The following ELOVL6 variants were observed in gnomAD, a reference collection of about 807,000 sequenced individuals.
The protein encoded by ELOVL6 is ELOVL fatty acid elongase 6, also known as very long chain fatty acid elongase 6.
ELOVL6 carries 8 observed loss-of-function variants against 31.7 expected under a neutral mutation model. That is an observed-to-expected ratio of 0.25 (90% CI 0.15 to 0.45). The LOEUF (loss-of-function observed/expected upper bound fraction) is 0.45, where lower values mean the gene tolerates loss of function less well. Ranked by LOEUF, ELOVL6 falls within the 20% of genes least tolerant of loss-of-function variation. The probability of loss-of-function intolerance (pLI) is 1.00; values close to 1 mark genes in which losing one functional copy is unlikely to be tolerated. For synonymous variants in ELOVL6, 101 were observed against 117.7 expected, an observed-to-expected ratio of 0.86 and a Z score of 0.92; for missense variants, 126 against 326.4, an observed-to-expected ratio of 0.39 and a Z score of 4.73.
At chr4:110,084,091 A>AC (rs1174361948) in intron 2 of ELOVL6, among the ~76,000 whole-genome samples, 3 of 109,838 alleles carry the variant, frequency 2.7e-5, no homozygotes, top group African/African-American at 8.9e-5. Flanking sequence ...TATGATATAT[A>AC]ACATATATAT....
At chr4:110,187,170 AAG>A (rs1261446361) in intron 1 of ELOVL6, among the ~76,000 whole-genome samples, 1 of 151,792 alleles carries the variant, frequency 6.6e-6, no homozygotes, top group African/African-American at 2.4e-5. Context: ...ATATGAGTAA[AAG>A]AGTCTGAAAA....
chr4:110,124,860 C>G (rs1186987437), intron 1 of ELOVL6, among the ~76,000 whole-genome samples: 1 of 152,150 alleles, frequency 6.6e-6, no homozygotes, highest in African/African-American at 2.4e-5. Context: ...ATTAATTCTG[C>G]TTCACTGGCC....
rs752775995 is a variant in ELOVL6 at position 110,198,341 on chromosome 4, C to T, written c.-6G>A. On this transcript the variant is annotated 5_prime_UTR_variant, in exon 1 of 4. Coordinates refer to ENST00000302274, the MANE Select transcript of ELOVL6 (RefSeq NM_024090.3). The stretch of plus-strand genomic sequence containing the variant: ...GTCAACACTGACATGTTCATTGGGG[C>T]TGATCTTCGGAGTCGCTACGTGTTC... The T allele has an allele frequency of 2.5e-6, 4 of 1,574,804 alleles. No homozygotes were observed. The highest frequency in any genetic ancestry group is 3.5e-6 in the Non-Finnish European group (4 of 1,145,382).
intron 1 of ELOVL6, among the ~76,000 whole-genome samples, chr4:110,192,692 T>C (rs1033569844): frequency 3.9e-5 from 6 of 152,236 alleles, no homozygotes; most frequent in Non-Finnish European, 5.9e-5. Flanking sequence ...TGAAAGTTCA[T>C]ATCAAAGCTC....
chr4:110,061,707 C>A (rs188170254), intron 2 of ELOVL6, among the ~76,000 whole-genome samples: 1 of 151,900 alleles, frequency 6.6e-6, no homozygotes, highest in Non-Finnish European at 1.5e-5. Flanking sequence ...CAGGCATGCA[C>A]CACCATGCCA....
intron 1 of ELOVL6, among the ~76,000 whole-genome samples, chr4:110,120,574 T>A (rs1014754423): frequency 6.6e-6 from 1 of 152,132 alleles, no homozygotes; most frequent in Non-Finnish European, 1.5e-5. Flanking sequence ...ACTACTACTA[T>A]GCATTGTTCC....
At chr4:110,071,103 T>G (rs1755467524) in intron 2 of ELOVL6, among the ~76,000 whole-genome samples, 1 of 152,132 alleles carries the variant, frequency 6.6e-6, no homozygotes, top group African/African-American at 2.4e-5. Flanking sequence ...GGACTGGAAA[T>G]ACTCCTTATG....
intron 1 of ELOVL6, among the ~76,000 whole-genome samples, chr4:110,112,179 A>G (rs1357432631): frequency 6.6e-6 from 1 of 152,188 alleles, no homozygotes; most frequent in African/African-American, 2.4e-5. Flanking sequence ...AAAGATGTTC[A>G]CAGAGAAACT....
chr4:110,161,862 C>T (rs183485559), intron 1 of ELOVL6, among the ~76,000 whole-genome samples: 2 of 152,284 alleles, frequency 1.3e-5, no homozygotes, highest in Admixed American at 6.5e-5. Context: ...AGGAAACTAA[C>T]GCTGTATTTC....
intron 1 of ELOVL6, among the ~76,000 whole-genome samples, chr4:110,172,669 C>T (rs1187958671): frequency 1.3e-5 from 2 of 152,186 alleles, no homozygotes; most frequent in African/African-American, 2.4e-5. Flanking sequence ...TCTTAAGAAA[C>T]GTCTTTTTGA....
chr4:110,141,675 T>C (rs987996143), intron 1 of ELOVL6, among the ~76,000 whole-genome samples: 1 of 148,366 alleles, frequency 6.7e-6, no homozygotes, highest in Admixed American at 6.8e-5. Context: ...ATATAGTGTA[T>C]ATATATAGTA....
intron 1 of ELOVL6, among the ~76,000 whole-genome samples, chr4:110,111,534 C>G (rs913550196): frequency 6.6e-5 from 10 of 151,880 alleles, no homozygotes; most frequent in African/African-American, 2.4e-4. Flanking sequence ...AAAAAAGGAT[C>G]CTTATGTGAG....
chr4:110,182,609 A>G (rs1335640459), intron 1 of ELOVL6, among the ~76,000 whole-genome samples: 1 of 152,208 alleles, frequency 6.6e-6, no homozygotes. Flanking sequence ...AACAGATTAT[A>G]GAAAACTGGA....
chr4:110,047,601 C>T lies in ELOVL6; in HGVS notation c.*3737G>A, dbSNP rs1462873983. Reference sequence around the variant, plus strand: ...AGATGCTACATCTGATTTAAAAAAACATTCTGGGCCAGGCACGGTGGCTCA... The same window carrying T: ...AGATGCTACATCTGATTTAAAAAAATATTCTGGGCCAGGCACGGTGGCTCA... On this transcript the variant is annotated 3_prime_UTR_variant, in exon 4 of 4. Transcript: ENST00000302274. 6.6e-6 allele frequency: 1 copy of T among 152,192 alleles called. No homozygotes were observed. The highest frequency in any genetic ancestry group is 1.5e-5 in the Non-Finnish European group (1 of 68,108). 9.4% of individuals were successfully genotyped at this position (152,192 alleles called of 1,614,324 possible). A position where few individuals can be genotyped will look rare whatever the true frequency, so the allele number is the denominator to read the frequency against.
intron 1 of ELOVL6, among the ~76,000 whole-genome samples, chr4:110,195,640 A>G (rs1759751035): frequency 6.6e-6 from 1 of 152,214 alleles, no homozygotes; most frequent in Admixed American, 6.5e-5. Context: ...ATCTAAGAAC[A>G]TAACATCAAC....
intron 2 of ELOVL6, among the ~76,000 whole-genome samples, chr4:110,062,935 G>A (rs1755187471): frequency 6.6e-6 from 1 of 152,158 alleles, no homozygotes; most frequent in Admixed American, 6.5e-5. Flanking sequence ...ATTTTTTGAA[G>A]CAATATAAGT....
chr4:110,107,354 C>T (rs547612739), intron 1 of ELOVL6, among the ~76,000 whole-genome samples: 6 of 152,304 alleles, frequency 3.9e-5, no homozygotes, highest in East Asian at 1.9e-4. Flanking sequence ...GTTGAATGAA[C>T]GTGGTCTTGT....
At chr4:110,181,188 T>A (rs189089912) in intron 1 of ELOVL6, among the ~76,000 whole-genome samples, 13 of 151,776 alleles carry the variant, frequency 8.6e-5, no homozygotes, top group African/African-American at 3.1e-4. Flanking sequence ...GGCTCACGCC[T>A]GTAATCCCAA....
chr4:110,084,565 T>G (rs139677724), intron 2 of ELOVL6, among the ~76,000 whole-genome samples: 7,064 of 40,746 alleles, frequency 0.17, 504 homozygotes, highest in East Asian at 0.24. Context: ...CACACACAGA[T>G]ATATATATAT....
Sources: gnomAD v4.1 joint callset for allele counts (sites outside exome capture counted in the v4.1 genomes callset) on GRCh38, gnomAD v4.1.1 for gene constraint, MANE v1.5 for transcripts, NCBI Gene and HGNC (gene_info 2026-07-23, HGNC 2026-07-21) for gene names.